The following ZFYVE1 variants were observed in gnomAD, a reference collection of about 807,000 sequenced individuals.
ZFYVE1 encodes the protein zinc finger FYVE domain-containing protein 1.
Under a neutral mutation model 74.4 loss-of-function variants are expected in ZFYVE1, and 30 were observed. The ratio of observed to expected loss-of-function variants is 0.40; its 90% CI spans 0.30 to 0.55. The LOEUF is 0.55. Among genes scored for constraint, ZFYVE1 ranks in the 20% least tolerant of loss-of-function variants. ZFYVE1 has a pLI of 0.42. For missense variants in ZFYVE1, 703 were observed against 1,011.6 expected (o/e 0.69, Z 4.14); for synonymous variants, 335 against 385.1 (o/e 0.87, Z 1.52).
At chr14:73,023,192 A>T (rs868276699) in intron 2 of ZFYVE1, among the ~76,000 whole-genome samples, 1,553 of 115,632 alleles carry the variant, frequency 0.013, 89 homozygotes, top group East Asian at 0.042. Flanking sequence ...ATATATATAT[A>T]TTTTATATAT....
chr14:72,993,497 G>A, intron 3 of ZFYVE1, 140 bp from the exon 4 acceptor site: 1 of 660,874 alleles, frequency 1.5e-6, no homozygotes. Flanking sequence ...GAGGTCAGGA[G>A]TTCAGCCTGG....
intron 4 of ZFYVE1, among the ~76,000 whole-genome samples, chr14:72,989,024 G>T (rs949464938): frequency 5.3e-5 from 8 of 150,646 alleles, no homozygotes; most frequent in African/African-American, 1.7e-4. Flanking sequence ...CCACCTCCAG[G>T]GGTTCAAGCC....
intron 8 of ZFYVE1, among the ~76,000 whole-genome samples, chr14:72,976,310 C>T (rs556482544): frequency 5.3e-5 from 8 of 152,300 alleles, no homozygotes; most frequent in African/African-American, 1.7e-4. Context: ...TAAATTACTG[C>T]AGTCCTGTTT....
intron 2 of ZFYVE1, among the ~76,000 whole-genome samples, chr14:73,019,484 AAAAC>A (rs1419165827): frequency 1.3e-5 from 2 of 152,224 alleles, no homozygotes; most frequent in African/African-American, 4.8e-5. Flanking sequence ...CATGAAAAGA[AAAAC>A]AAAATCAGAA....
intron 10 of ZFYVE1, among the ~76,000 whole-genome samples, chr14:72,974,539 G>A (rs767705322): frequency 1.3e-5 from 2 of 152,172 alleles, no homozygotes; most frequent in African/African-American, 2.4e-5. Flanking sequence ...GTTGCTATGT[G>A]CGCATTCCCT....
intron 4 of ZFYVE1, among the ~76,000 whole-genome samples, chr14:72,991,933 A>T (rs1214202489): frequency 6.8e-6 from 1 of 147,902 alleles, no homozygotes; most frequent in African/African-American, 2.5e-5. Context: ...TTGAGACAGC[A>T]TCTCGCTCTG....
Position 72,975,425 on chromosome 14 carries a change from A to G in ZFYVE1, c.1806+126T>C. The G allele has an allele frequency of 7.9e-7, 1 of 1,260,128 alleles. No homozygotes were observed. Among genetic ancestry groups the G allele is most frequent in the South Asian group, 1.5e-5 (1 of 65,992 alleles). The allele number at this position is 1,260,128 out of a possible 1,614,324, so 78.1% of individuals were successfully genotyped here. On this transcript the variant is annotated intron_variant, in intron 9 of 11. Transcript: ENST00000556143. This position sits in a 1 kb window ranked among gnomAD's most constrained non-coding sequence, Gnocchi z 4.1. Reference sequence around the variant, plus strand: ...ACGACTCCTCCCCTTGCCGGTACTCACAGAGCTCACTGCACTGGCAGAAAA... The same window carrying G: ...ACGACTCCTCCCCTTGCCGGTACTCGCAGAGCTCACTGCACTGGCAGAAAA...
intron 2 of ZFYVE1, among the ~76,000 whole-genome samples, chr14:72,999,824 C>T (rs1425688603): frequency 6.6e-6 from 1 of 152,176 alleles, no homozygotes; most frequent in African/African-American, 2.4e-5. Context: ...CTTTGGGAGG[C>T]CCAGAGGGGC....
intron 6 of ZFYVE1, 63 bp downstream of exon 6, chr14:72,978,798 T>C (rs1262163751): frequency 6.4e-6 from 9 of 1,410,742 alleles, no homozygotes; most frequent in Admixed American, 1.7e-5. Context: ...CAAGATAGTC[T>C]TGCCAAAGAG....
intron 2 of ZFYVE1, among the ~76,000 whole-genome samples, chr14:73,004,817 G>A (rs931877538): frequency 3.9e-5 from 6 of 152,020 alleles, no homozygotes; most frequent in African/African-American, 1.5e-4. Flanking sequence ...TGGCAACCTA[G>A]CAAAACCCTA....
intron 3 of ZFYVE1, among the ~76,000 whole-genome samples, chr14:72,994,322 CAAAAAAAAA>C (rs71109776): frequency 2.6e-4 from 8 of 31,140 alleles, no homozygotes; most frequent in South Asian, 4.9e-3. Context: ...GACGCTGTCT[CAAAAAAAAA>C]AAAAAAAAAA....
intron 2 of ZFYVE1, among the ~76,000 whole-genome samples, chr14:72,999,240 C>T (rs1893818150): frequency 6.6e-6 from 1 of 152,102 alleles, no homozygotes; most frequent in South Asian, 2.1e-4. Context: ...ACCAGCCTGA[C>T]CAACATGGAC....
At chr14:72,996,867 C>G (rs922732178) in intron 3 of ZFYVE1, among the ~76,000 whole-genome samples, 10 of 152,296 alleles carry the variant, frequency 6.6e-5, no homozygotes, top group Middle Eastern at 3.4e-3. Context: ...ACTCAATAAA[C>G]TTTGATGACC....
chr14:72,998,043 C>A lies in ZFYVE1; in HGVS notation c.756G>T (p.Leu252=), dbSNP rs1282604055. 3.1e-6 allele frequency: 5 copies of A among 1,614,114 alleles called. No individual in the cohort carries two copies. The highest frequency in any genetic ancestry group is 4.2e-6 in the Non-Finnish European group (5 of 1,180,010). ...ATVNLSQRTR[L]LLKVLAISDL... ...CTGAGATGGCCAGGACCTTAAGCAG[C>A]AGCCGTGTTCTCTGGCTTAGATTCA... The change falls in exon 3 of 12, where the codon CTG becomes CTT. Residue 252 remains leucine, a synonymous_variant. Coordinates refer to ENST00000556143, the MANE Select transcript of ZFYVE1 (RefSeq NM_021260.4).
chr14:72,969,525 A>G lies in ZFYVE1; in HGVS notation c.*1357T>C. The G allele has an allele frequency of 1.7e-6, 1 of 598,718 alleles. No homozygotes were observed. The highest frequency in any genetic ancestry group is 3.1e-5 in the Admixed American group (1 of 32,650). The allele number at this position is 598,718 out of a possible 1,614,324, so 37.1% of individuals were successfully genotyped here. A position where few individuals can be genotyped will look rare whatever the true frequency, so the allele number is the denominator to read the frequency against. ...AGTAGGGTCCCAGTCACTGGACCCC[A>G]GGAGGCAGGAGGAGCAGGGCTGAGA... On this transcript the variant is annotated 3_prime_UTR_variant, in exon 12 of 12. Transcript: ENST00000556143.
rs112846578 is a variant in ZFYVE1 at position 72,970,175 on chromosome 14, G to A, written c.*707C>T. The A allele has an allele frequency of 0.026, 4,750 of 181,946 alleles. 182 individuals carry two copies. The highest frequency in any genetic ancestry group is 0.093 in the African/African-American group (3,895 of 42,032). The allele number at this position is 181,946 out of a possible 1,614,324, so 11.3% of individuals were successfully genotyped here. On this transcript the variant is annotated 3_prime_UTR_variant, in exon 12 of 12. Transcript: ENST00000556143. ...TTCCCTGGGGGACCAGGGACAGCAC[G>A]GCCCCTGCATTTCTACTTCTCAGGG...
chr14:73,001,841 G>A (rs979587682), intron 2 of ZFYVE1, among the ~76,000 whole-genome samples: 6 of 151,886 alleles, frequency 4.0e-5, no homozygotes, highest in Non-Finnish European at 7.4e-5. Flanking sequence ...CCAGCTACTC[G>A]GGAGGCTGAG....
rs1893150748 is a variant in ZFYVE1, at chr14:72,975,677, C to G, written c.1680G>C (p.Leu560=). Residue 560 remains leucine, a synonymous_variant, in exon 9 of 12, where the codon CTG becomes CTC. Coordinates refer to ENST00000556143, the MANE Select transcript of ZFYVE1 (RefSeq NM_021260.4). The surrounding 1 kb of genome is among the most constrained non-coding windows in gnomAD (Gnocchi z 4.1). ...LKDNNNAAQR[L]LDGMNFMAQS... ...GAGCCATGAAGTTCATCCCGTCCAA[C>G]AGGCGCTGGGCAGCATTGTTGTTGT... The G allele has an allele frequency of 1.9e-6, 3 of 1,614,180 alleles. No homozygotes were observed. The highest frequency in any genetic ancestry group is 2.5e-6 in the Non-Finnish European group (3 of 1,180,034).
Position 73,024,695 on chromosome 14 carries a change from G to T in ZFYVE1, c.-187C>A. ...CAAATGTTCAAATTTTTAATTTGCTGCCTCTAAGACTCTTGTATTAGCAGC... is the reference window on the plus strand; with the variant it reads ...CAAATGTTCAAATTTTTAATTTGCTTCCTCTAAGACTCTTGTATTAGCAGC... On this transcript the variant is annotated 5_prime_UTR_variant, in exon 2 of 12. Transcript: ENST00000556143. 1.2e-6 allele frequency: 1 copy of T among 850,386 alleles called. No individual in the cohort carries two copies. The highest frequency in any genetic ancestry group is 1.7e-6 in the Non-Finnish European group (1 of 582,626). 52.7% of individuals were successfully genotyped at this position (850,386 alleles called of 1,614,324 possible).
Sources: gnomAD v4.1 joint callset for allele counts (sites outside exome capture counted in the v4.1 genomes callset) on GRCh38, gnomAD v4.1.1 for gene constraint, Gnocchi (gnomAD v3.1) non-coding constraint, MANE v1.5 for transcripts, NCBI Gene and HGNC (gene_info 2026-07-23, HGNC 2026-07-21) for gene names.